R3HDM2: variants seen among roughly 807,000 people sequenced by gnomAD.
R3HDM2 encodes the protein R3H domain containing 2.
A neutral mutation model predicts 124.5 loss-of-function variants in R3HDM2; 38 were observed. The ratio of observed to expected loss-of-function variants is 0.31; its 90% CI spans 0.24 to 0.40. The LOEUF is 0.40. Among genes scored for constraint, R3HDM2 ranks in the 10% least tolerant of loss-of-function variants. The probability of loss-of-function intolerance (pLI) is 1.00; values close to 1 mark genes in which losing one functional copy is unlikely to be tolerated. For missense variants in R3HDM2, 869 were observed against 1,236.9 expected (o/e 0.70, Z 4.46); for synonymous variants, 391 against 448.0 (o/e 0.87, Z 1.61).
chr12:57,302,222 A>G (rs2138759035), intron 4 of R3HDM2, among the ~76,000 whole-genome samples: 1 of 151,542 alleles, frequency 6.6e-6, no homozygotes, highest in Middle Eastern at 3.4e-3. Flanking sequence ...CAGAGGTTGC[A>G]GTGAGCCGAG....
intron 1 of R3HDM2, among the ~76,000 whole-genome samples, chr12:57,409,077 T>G (rs1473709535): frequency 6.6e-6 from 1 of 152,136 alleles, no homozygotes; most frequent in Non-Finnish European, 1.5e-5. Flanking sequence ...TGTTCATTTT[T>G]TATCTCTATA....
chr12:57,327,068 C>T (rs188529169), intron 2 of R3HDM2, among the ~76,000 whole-genome samples: 39 of 152,136 alleles, frequency 2.6e-4, no homozygotes, highest in African/African-American at 9.4e-4. Flanking sequence ...TTCATATGTA[C>T]AAGGAGATTA....
At chr12:57,396,366 G>C (rs560462113) in intron 1 of R3HDM2, among the ~76,000 whole-genome samples, 9 of 151,934 alleles carry the variant, frequency 5.9e-5, no homozygotes, top group Non-Finnish European at 1.3e-4. Context: ...ACTTGAACCC[G>C]GGAGACGGAG....
At position 57,269,785 on chromosome 12, in the gene R3HDM2, C is replaced by T; in HGVS notation, c.1554G>A (p.Leu518=). The change falls in exon 15 of 24, where the codon CTG becomes CTA. Residue 518 remains leucine, a synonymous_variant. Transcript: ENST00000402412. ...SSHAPPTQQV[L]PPQGYMQPPQ... is the part of the protein sequence containing the mutation. ...GGGGCTGCATGTACCCCTGGGGTGG[C>T]AGAACTTGCTGAGTAGGTGGTGCAT... 6.2e-7 allele frequency: 1 copy of T among 1,614,070 alleles called. No individual in the cohort carries two copies. The highest frequency in any genetic ancestry group is 8.5e-7 in the Non-Finnish European group (1 of 1,180,020).
intron 2 of R3HDM2, among the ~76,000 whole-genome samples, chr12:57,349,170 G>A (rs1303083303): frequency 1.3e-5 from 2 of 151,696 alleles, no homozygotes; most frequent in Non-Finnish European, 2.9e-5. Flanking sequence ...CACGAGGTCA[G>A]GAGATTGAGA....
At chr12:57,291,949 T>C (rs2048731245) in intron 11 of R3HDM2, among the ~76,000 whole-genome samples, 1 of 152,244 alleles carries the variant, frequency 6.6e-6, no homozygotes, top group Non-Finnish European at 1.5e-5. Flanking sequence ...AACTGATTCA[T>C]GTTGGCTTTT....
At chr12:57,258,817 C>G (rs1173908791) in intron 20 of R3HDM2, 73 bp downstream of exon 20, 1 of 1,350,470 alleles carries the variant, frequency 7.4e-7, no homozygotes, top group African/African-American at 1.5e-5. Flanking sequence ...GCTGCTCAGT[C>G]AATAGCAAAC....
At chr12:57,276,013 C>G (rs768135140) in intron 14 of R3HDM2, among the ~76,000 whole-genome samples, 5 of 151,556 alleles carry the variant, frequency 3.3e-5, no homozygotes, top group Admixed American at 6.6e-5. Flanking sequence ...GTCAGAAGAT[C>G]GAGACCATCC....
intron 3 of R3HDM2, among the ~76,000 whole-genome samples, chr12:57,304,293 A>G (rs530560884): frequency 2.0e-5 from 3 of 152,308 alleles, no homozygotes; most frequent in Admixed American, 2.0e-4. Flanking sequence ...CAGCCAATTA[A>G]TAAGATTTGT....
intron 2 of R3HDM2, among the ~76,000 whole-genome samples, chr12:57,386,522 C>T (rs913428390): frequency 6.6e-6 from 1 of 152,238 alleles, no homozygotes; most frequent in Non-Finnish European, 1.5e-5. Flanking sequence ...GGGCTTGGGA[C>T]CTGCAGCCCG....
intron 10 of R3HDM2, among the ~76,000 whole-genome samples, chr12:57,293,938 G>A (rs551588985): frequency 6.6e-6 from 1 of 152,152 alleles, no homozygotes; most frequent in Admixed American, 6.5e-5. Flanking sequence ...CAGCCCCTAG[G>A]TAAATCAATG....
chr12:57,265,632 T>C (rs2042156534), intron 19 of R3HDM2, among the ~76,000 whole-genome samples: 1 of 152,122 alleles, frequency 6.6e-6, no homozygotes, highest in Admixed American at 6.5e-5. Flanking sequence ...CATTTCTTTT[T>C]TTTTCCCCCT....
At chr12:57,363,639 A>T (rs1189198190) in intron 2 of R3HDM2, among the ~76,000 whole-genome samples, 1 of 152,226 alleles carries the variant, frequency 6.6e-6, no homozygotes, top group Non-Finnish European at 1.5e-5. Flanking sequence ...CCCTCATCTG[A>T]TCATTACACA....
chr12:57,412,308 A>AG (rs2069076785), intron 1 of R3HDM2, among the ~76,000 whole-genome samples: 3 of 118,486 alleles, frequency 2.5e-5, no homozygotes, highest in African/African-American at 5.5e-5. Context: ...TTGGGAGGCC[A>AG]AGGGGGGCGA....
chr12:57,335,381 T>C (rs1184448234), intron 2 of R3HDM2, among the ~76,000 whole-genome samples: 3 of 151,698 alleles, frequency 2.0e-5, no homozygotes, highest in African/African-American at 7.3e-5. Context: ...CTAATTTTTG[T>C]ATTTTTAGTA....
intron 2 of R3HDM2, among the ~76,000 whole-genome samples, chr12:57,379,150 G>A (rs2064489778): frequency 6.6e-6 from 1 of 152,196 alleles, no homozygotes; most frequent in Non-Finnish European, 1.5e-5. Context: ...AGAAGGATTG[G>A]TGGTGATGGC....
intron 1 of R3HDM2, among the ~76,000 whole-genome samples, chr12:57,412,473 C>T (rs1054411851): frequency 2.0e-5 from 3 of 151,726 alleles, no homozygotes; most frequent in Admixed American, 6.6e-5. Flanking sequence ...GAACCTGAGG[C>T]GGAGGCTGCA....
rs559707388 is a variant in R3HDM2, at chr12:57,410,364, A to G, written c.-105-14546T>C. ...AAAACTTCACATTTCATGAACAGCT[A>G]AACATACATGGAATTACTAAGGTTC... On this transcript the variant is annotated intron_variant, in intron 1 of 23. Coordinates refer to ENST00000402412, the MANE Select transcript of R3HDM2 (RefSeq NM_001394031.1). Among the ~76,000 whole-genome samples the G allele has an allele frequency of 5.7e-4, 87 of 151,840 alleles. 1 individual carries two copies. The highest frequency in any genetic ancestry group is 2.0e-3 in the African/African-American group (81 of 41,402).
intron 1 of R3HDM2, among the ~76,000 whole-genome samples, chr12:57,409,356 C>T (rs2068804028): frequency 1.3e-5 from 2 of 151,928 alleles, no homozygotes; most frequent in South Asian, 4.2e-4. Flanking sequence ...CAAGCTAATA[C>T]GCACCAGCTT....
Sources: allele counts gnomAD v4.1 joint callset (sites outside exome capture counted in the v4.1 genomes callset), GRCh38; gene constraint gnomAD v4.1.1; transcripts MANE v1.5; gene names NCBI Gene and HGNC (gene_info 2026-07-23, HGNC 2026-07-21).